Variants in AKT3 observed in about 807,000 individuals in gnomAD.
AKT3 encodes AKT serine/threonine kinase 3, also known as RAC-gamma serine/threonine-protein kinase.
A neutral mutation model predicts 65.3 loss-of-function variants in AKT3; 15 were observed. The ratio of observed to expected loss-of-function variants is 0.23; its 90% CI spans 0.15 to 0.35. The LOEUF (loss-of-function observed/expected upper bound fraction) is 0.35. Ranked by LOEUF, AKT3 falls within the 10% of genes least tolerant of loss-of-function variation. The probability of loss-of-function intolerance (pLI) is 1.00; values close to 1 mark genes in which losing one functional copy is unlikely to be tolerated. For missense variants in AKT3, 243 were observed against 576.5 expected, an observed-to-expected ratio of 0.42 and a Z score of 5.92; for synonymous variants, 206 against 183.8, an observed-to-expected ratio of 1.12 and a Z score of -0.98.
intron 12 of AKT3, among the ~76,000 whole-genome samples, chr1:243,531,509 A>AT (rs1671528594): frequency 6.6e-6 from 1 of 152,230 alleles, no homozygotes; most frequent in Non-Finnish European, 1.5e-5. Context: ...ATTTTGTCAT[A>AT]AATACAATGC....
At chr1:243,559,771 G>A (rs560131158) in intron 10 of AKT3, among the ~76,000 whole-genome samples, 2 of 152,098 alleles carry the variant, frequency 1.3e-5, no homozygotes, top group Non-Finnish European at 2.9e-5. Flanking sequence ...GGAAAATGTT[G>A]ACAGTGAGTC....
At chr1:243,659,574 G>T (rs1004680900) in intron 4 of AKT3, among the ~76,000 whole-genome samples, 1 of 151,836 alleles carries the variant, frequency 6.6e-6, no homozygotes, top group Non-Finnish European at 1.5e-5. Context: ...AGGTCAAAGG[G>T]GAAAAAAAGA....
intron 1 of AKT3, among the ~76,000 whole-genome samples, chr1:243,844,512 C>T (rs750412270): frequency 1.1e-4 from 16 of 152,110 alleles, no homozygotes; most frequent in Non-Finnish European, 2.2e-4. Context: ...GGGGTTTCCC[C>T]CCATCATCCA....
At chr1:243,547,370 A>G (rs892584748) in intron 11 of AKT3, among the ~76,000 whole-genome samples, 1 of 152,186 alleles carries the variant, frequency 6.6e-6, no homozygotes, top group Non-Finnish European at 1.5e-5. Flanking sequence ...AATTTATATA[A>G]TTTTTAGTAA....
At chr1:243,585,160 A>T (rs1366604263) in intron 8 of AKT3, among the ~76,000 whole-genome samples, 1 of 152,284 alleles carries the variant, frequency 6.6e-6, no homozygotes, top group East Asian at 1.9e-4. Flanking sequence ...AAAAAAATCC[A>T]GGAATACATC....
chr1:243,663,227 A>T (rs1256520334), intron 4 of AKT3, among the ~76,000 whole-genome samples: 1 of 152,238 alleles, frequency 6.6e-6, no homozygotes, highest in East Asian at 1.9e-4. Context: ...AAAGGTACAA[A>T]GAAAAATATC....
At chr1:243,533,712 C>T (rs988980086) in intron 12 of AKT3, among the ~76,000 whole-genome samples, 31 of 152,126 alleles carry the variant, frequency 2.0e-4, no homozygotes, top group African/African-American at 2.4e-5. Context: ...GTAAGAAGGC[C>T]GGGCGCGGTG....
chr1:243,550,904 G>A (rs1257450066), intron 11 of AKT3, among the ~76,000 whole-genome samples: 15 of 140,260 alleles, frequency 1.1e-4, no homozygotes, highest in African/African-American at 8.0e-5. Flanking sequence ...GGTTGCAGTG[G>A]GCCGAGATTG....
chr1:243,639,918 A>G (rs189720834), intron 5 of AKT3, among the ~76,000 whole-genome samples: 2 of 152,258 alleles, frequency 1.3e-5, no homozygotes, highest in Non-Finnish European at 2.9e-5. Context: ...CTGAACCCCA[A>G]TTTTTTGACA....
At chr1:243,660,739 G>C (rs1175965026) in intron 4 of AKT3, among the ~76,000 whole-genome samples, 1 of 152,114 alleles carries the variant, frequency 6.6e-6, no homozygotes, top group Non-Finnish European at 1.5e-5. Context: ...GGAAATAAAG[G>C]GTATTCAATC....
intron 12 of AKT3, among the ~76,000 whole-genome samples, chr1:243,517,949 G>T (rs1398556244): frequency 6.6e-6 from 1 of 152,220 alleles, no homozygotes; most frequent in East Asian, 1.9e-4. Flanking sequence ...CGGAATAAAT[G>T]AATCAATCAT....
At chr1:243,548,793 C>T (rs1003080964) in intron 11 of AKT3, among the ~76,000 whole-genome samples, 3 of 152,056 alleles carry the variant, frequency 2.0e-5, no homozygotes, top group Non-Finnish European at 4.4e-5. Context: ...GAGGGGCTAA[C>T]AGAATGAACA....
At chr1:243,602,273 C>T (rs1677068288) in intron 8 of AKT3, among the ~76,000 whole-genome samples, 1 of 152,080 alleles carries the variant, frequency 6.6e-6, no homozygotes, top group African/African-American at 2.4e-5. Flanking sequence ...CCTTTAGATG[C>T]TAATGTAAAC....
At chr1:243,762,795 T>G (rs753950878) in intron 2 of AKT3, among the ~76,000 whole-genome samples, 1 of 152,046 alleles carries the variant, frequency 6.6e-6, no homozygotes, top group Non-Finnish European at 1.5e-5. Flanking sequence ...CTTTCAGGAT[T>G]AGGGCCAAGT....
At chr1:243,622,040 A>T (rs1678793118) in intron 6 of AKT3, among the ~76,000 whole-genome samples, 1 of 152,222 alleles carries the variant, frequency 6.6e-6, no homozygotes, top group Non-Finnish European at 1.5e-5. Flanking sequence ...TAGACTGTGT[A>T]ACTACACGGC....
intron 2 of AKT3, among the ~76,000 whole-genome samples, chr1:243,747,839 T>G (rs546327996): frequency 2.8e-4 from 43 of 152,210 alleles, no homozygotes; most frequent in Non-Finnish European, 5.4e-4. Context: ...CAAACATGGC[T>G]AAAAATTACT....
chr1:243,598,379 G>C (rs1246781488), intron 8 of AKT3, among the ~76,000 whole-genome samples: 1 of 152,010 alleles, frequency 6.6e-6, no homozygotes, highest in African/African-American at 2.4e-5. Context: ...CCTTTATAAA[G>C]GCAAAGACTA....
chr1:243,635,390 A>G (rs1334704796), intron 6 of AKT3, among the ~76,000 whole-genome samples: 2 of 151,936 alleles, frequency 1.3e-5, no homozygotes. Context: ...AAAATAAATT[A>G]ACCCAAAGCA....
downstream of AKT3, among the ~76,000 whole-genome samples, chr1:243,496,321 C>G (rs1478701986): frequency 1.3e-5 from 2 of 152,172 alleles, no homozygotes; most frequent in Admixed American, 6.5e-5. Context: ...GCCCCGGTGC[C>G]CAGAACACGA....
Sources: allele counts gnomAD v4.1 joint callset (sites outside exome capture counted in the v4.1 genomes callset), GRCh38; gene constraint gnomAD v4.1.1; transcripts MANE v1.5; gene names NCBI Gene and HGNC (gene_info 2026-07-23, HGNC 2026-07-21).